Variants in PRIM2 observed in about 807,000 individuals in gnomAD.
PRIM2 encodes DNA primase large subunit.
PRIM2 carries 39 observed loss-of-function variants against 67.3 expected under a neutral mutation model. That is an observed-to-expected ratio of 0.58 (90% CI 0.45 to 0.76). PRIM2 has a LOEUF of 0.76. Among genes scored for constraint, PRIM2 ranks in the 30% least tolerant of loss-of-function variants. PRIM2 has a pLI of 0.00. For missense variants in PRIM2, 398 were observed against 598.7 expected (o/e 0.66, Z 3.50); for synonymous variants, 143 against 198.7 (o/e 0.72, Z 2.36).
chr6:57,572,747 G>A (rs1163446016), intron 10 of PRIM2, among the ~76,000 whole-genome samples: 26 of 152,158 alleles, frequency 1.7e-4, no homozygotes, highest in African/African-American at 4.3e-4. Flanking sequence ...ACCAAATCAC[G>A]TGATGGGGGG....
intron 7 of PRIM2, among the ~76,000 whole-genome samples, chr6:57,495,527 G>T (rs1773983061): frequency 6.6e-6 from 1 of 152,124 alleles, no homozygotes; most frequent in Admixed American, 6.5e-5. Flanking sequence ...AGCCATCTGG[G>T]GCTACCATTC....
At chr6:57,362,156 A>G (rs1349766497) in intron 5 of PRIM2, among the ~76,000 whole-genome samples, 2 of 152,170 alleles carry the variant, frequency 1.3e-5, no homozygotes, top group African/African-American at 2.4e-5. Flanking sequence ...TCAGTTACAA[A>G]TATATATATT....
intron 7 of PRIM2, among the ~76,000 whole-genome samples, chr6:57,398,881 G>T (rs1252728752): frequency 6.6e-6 from 1 of 152,082 alleles, no homozygotes; most frequent in Non-Finnish European, 1.5e-5. Context: ...TTCAATTGAA[G>T]TCTTTACCGT....
chr6:57,566,518 C>T (rs1397998219), intron 10 of PRIM2, among the ~76,000 whole-genome samples: 3 of 152,140 alleles, frequency 2.0e-5, no homozygotes, highest in Non-Finnish European at 4.4e-5. Context: ...TTCCATTCTG[C>T]ACCTTAGTAT....
chr6:57,370,890 G>A (rs1769531496), intron 5 of PRIM2, among the ~76,000 whole-genome samples: 1 of 151,914 alleles, frequency 6.6e-6, no homozygotes. Flanking sequence ...TAAAGATGGG[G>A]TTTCACCATG....
intron 7 of PRIM2, among the ~76,000 whole-genome samples, chr6:57,437,479 A>C (rs1772048501): frequency 6.6e-6 from 1 of 151,784 alleles, no homozygotes; most frequent in Non-Finnish European, 1.5e-5. Flanking sequence ...TTTCTCTCCT[A>C]CTCTTTACTT....
At position 57,646,402 on chromosome 6, in the gene PRIM2, G is replaced by C; in HGVS notation, c.*244G>C. 1 of 432,878 alleles carries C rather than the reference G, an allele frequency of 2.3e-6. No homozygotes were observed. Among genetic ancestry groups the C allele is most frequent in the Non-Finnish European group, 4.1e-6 (1 of 241,198 alleles). 26.8% of individuals were successfully genotyped at this position (432,878 alleles called of 1,614,324 possible). On this transcript the variant is annotated 3_prime_UTR_variant, in exon 14 of 14. Coordinates refer to ENST00000615550, the MANE Select transcript of PRIM2 (RefSeq NM_000947.5). The stretch of plus-strand genomic sequence containing the variant: ...TCAATTTTTTTTTGTAGAGGTGGGG[G>C]GTCTCCCTATGTTGCCCAGGCAGAT...
chr6:57,410,948 G>T (rs1416627714), intron 7 of PRIM2, among the ~76,000 whole-genome samples: 3 of 151,464 alleles, frequency 2.0e-5, no homozygotes, highest in African/African-American at 7.3e-5. Flanking sequence ...TTATCAATGT[G>T]ATATAGCTTG....
At chr6:57,425,978 T>G (rs1442955778) in intron 7 of PRIM2, among the ~76,000 whole-genome samples, 1 of 152,180 alleles carries the variant, frequency 6.6e-6, no homozygotes, top group African/African-American at 2.4e-5. Context: ...TTTTAAAAGT[T>G]AAGTATATGT....
At chr6:57,313,767 A>C (rs1767429785), upstream of PRIM2, among the ~76,000 whole-genome samples, 1 of 152,212 alleles carries the variant, frequency 6.6e-6, no homozygotes, top group African/African-American at 2.4e-5. Flanking sequence ...TAGAATTTAC[A>C]GCATGCTTAC....
chr6:57,476,971 C>G (rs1293278008), intron 7 of PRIM2, among the ~76,000 whole-genome samples: 17 of 152,062 alleles, frequency 1.1e-4, no homozygotes, highest in African/African-American at 4.1e-4. Flanking sequence ...AGATTTTACT[C>G]ATGAATTTTA....
intron 7 of PRIM2, among the ~76,000 whole-genome samples, chr6:57,451,836 G>C (rs1407681997): frequency 6.7e-6 from 1 of 150,326 alleles, no homozygotes; most frequent in Admixed American, 6.6e-5. Flanking sequence ...CTATGTGCAG[G>C]TTAATTACCT....
chr6:57,320,512 C>T lies in PRIM2; in HGVS notation c.210C>T (p.Tyr70=). 1 of 1,609,568 alleles carries T rather than the reference C, an allele frequency of 6.2e-7. No homozygotes were observed. The highest frequency in any genetic ancestry group is 2.2e-5 in the East Asian group (1 of 44,802). Residue 70 remains tyrosine (Y), a synonymous_variant, in exon 3 of 14, where the codon TAC becomes TAT. Transcript: ENST00000615550. The stretch of plus-strand genomic sequence containing the variant: ...GCTATGTGAAAGGAACTGAACAATA[C>T]CAGAGTAAGTTGGAGAGTGAGCTTC... ...GVSYVKGTEQ[Y]QSKLESELRK...
At chr6:57,579,928 G>GTA (rs1371323208) in intron 10 of PRIM2, among the ~76,000 whole-genome samples, 1 of 152,030 alleles carries the variant, frequency 6.6e-6, no homozygotes, top group Non-Finnish European at 1.5e-5. Flanking sequence ...GTGATAAAAG[G>GTA]TATAGTCTAC....
At chr6:57,391,049 T>C (rs1430944617) in intron 7 of PRIM2, among the ~76,000 whole-genome samples, 3 of 151,510 alleles carry the variant, frequency 2.0e-5, no homozygotes, top group East Asian at 1.9e-4. Context: ...TCAGCATCTG[T>C]TATTTTTTGA....
chr6:57,404,592 T>C (rs1474851874), intron 7 of PRIM2, among the ~76,000 whole-genome samples: 1 of 152,164 alleles, frequency 6.6e-6, no homozygotes, highest in African/African-American at 2.4e-5. Flanking sequence ...GAAATCCCAA[T>C]TGCAAATGTT....
the PRIM2 span, among the ~76,000 whole-genome samples, chr6:57,254,057 T>C: frequency 2.0e-5 from 3 of 152,346 alleles, no homozygotes; most frequent in South Asian, 6.2e-4. Flanking sequence ...CATCATCATT[T>C]GGAGGGCTTC....
At chr6:57,243,014 C>T in the PRIM2 span, among the ~76,000 whole-genome samples, 1 of 152,216 alleles carries the variant, frequency 6.6e-6, no homozygotes, top group African/African-American at 2.4e-5. Context: ...CTATCAATAT[C>T]ATCTACCAAG....
intron 8 of PRIM2, among the ~76,000 whole-genome samples, chr6:57,508,964 G>A (rs1774304390): frequency 6.6e-6 from 1 of 152,130 alleles, no homozygotes; most frequent in Non-Finnish European, 1.5e-5. Context: ...CACCAATAGT[G>A]TTTTCCTTTA....
Sources: allele counts gnomAD v4.1 joint callset (sites outside exome capture counted in the v4.1 genomes callset), GRCh38; gene constraint gnomAD v4.1.1; transcripts MANE v1.5; gene names NCBI Gene and HGNC (gene_info 2026-07-23, HGNC 2026-07-21).